The following FNBP1 variants were observed in gnomAD, a reference collection of about 807,000 sequenced individuals.
The protein encoded by FNBP1 is formin-binding protein 1.
Under a neutral mutation model 90.6 loss-of-function variants are expected in FNBP1, and 26 were observed. The observed-to-expected ratio is 0.29, with a 90% CI of 0.21 to 0.40. The LOEUF is 0.40. FNBP1 is among the 10% of genes least tolerant of loss of function. The probability of loss-of-function intolerance (pLI) is 1.00; values close to 1 mark genes in which losing one functional copy is unlikely to be tolerated. For synonymous variants in FNBP1, 260 were observed against 265.2 expected (o/e 0.98, Z 0.19); for missense variants, 635 against 768.0 (o/e 0.83, Z 2.05).
chr9:129,950,549 G>A (rs1399569759), intron 6 of FNBP1, among the ~76,000 whole-genome samples: 1 of 152,098 alleles, frequency 6.6e-6, no homozygotes, highest in African/African-American at 2.4e-5. Context: ...GAAAAACAAA[G>A]AAAAAAGTCA....
chr9:129,922,442 C>T (rs1289847809), intron 10 of FNBP1, among the ~76,000 whole-genome samples: 1 of 152,158 alleles, frequency 6.6e-6, no homozygotes, highest in African/African-American at 2.4e-5. Context: ...TCAGACTCCC[C>T]GGATCTAAAT....
chr9:130,014,471 C>A (rs1470661466), intron 1 of FNBP1, among the ~76,000 whole-genome samples: 2 of 151,908 alleles, frequency 1.3e-5, no homozygotes, highest in Admixed American at 1.3e-4. Context: ...AGGCTGGTCT[C>A]AAACTCCTGA....
intron 1 of FNBP1, among the ~76,000 whole-genome samples, chr9:129,998,267 G>T (rs1021098418): frequency 6.6e-6 from 1 of 151,494 alleles, no homozygotes; most frequent in Admixed American, 6.6e-5. Context: ...ACTTTGGGAG[G>T]CTGAGGCGGG....
intron 3 of FNBP1, 108 bp downstream of exon 3, chr9:129,979,210 A>G: frequency 1.6e-6 from 1 of 636,570 alleles, no homozygotes; most frequent in Non-Finnish European, 2.7e-6. Context: ...ACTGACACAA[A>G]ATGAATGGGA....
At chr9:130,010,764 C>CT (rs111591184) in intron 1 of FNBP1, among the ~76,000 whole-genome samples, 97,264 of 140,498 alleles carry the variant, frequency 0.69, 34,616 homozygotes, top group African/African-American at 0.77. Context: ...TTCTTTGGGT[C>CT]TTTTTTTTTT....
At chr9:129,946,682 CAT>C (rs2045342146) in intron 6 of FNBP1, among the ~76,000 whole-genome samples, 1 of 152,176 alleles carries the variant, frequency 6.6e-6, no homozygotes. Flanking sequence ...GTTTAAAAAA[CAT>C]AACTTGAACT....
chr9:130,053,454 A>C, the FNBP1 span: 1 of 169,916 alleles, frequency 5.9e-6, no homozygotes, highest in Admixed American at 5.9e-5. Flanking sequence ...CTTGTATTTG[A>C]GTGTGAAGCG....
chr9:130,001,935 G>A (rs1410179013), intron 1 of FNBP1, among the ~76,000 whole-genome samples: 1 of 151,706 alleles, frequency 6.6e-6, no homozygotes, highest in Non-Finnish European at 1.5e-5. Context: ...GGCTGAGGCA[G>A]GAGAATCATC....
Position 129,966,687 on chromosome 9 carries a change from G to A in FNBP1, c.346-8134C>T, listed in dbSNP as rs1307464943. Among the ~76,000 whole-genome samples the A allele has an allele frequency of 1.3e-5, 2 of 152,154 alleles. No homozygotes were observed. The highest frequency in any genetic ancestry group is 2.1e-4 in the South Asian group (1 of 4,818). ...ACGGAGGTTGCAGTGAGCTGAGATC[G>A]CACCACTGCATTCCAAGTCTGGGTG... On this transcript the variant is annotated intron_variant, in intron 4 of 16. Transcript: ENST00000446176. The surrounding 1 kb of genome is among the most constrained non-coding windows in gnomAD (Gnocchi z 4.3).
intron 11 of FNBP1, chr9:129,910,066 C>A: frequency 2.2e-6 from 1 of 453,754 alleles, no homozygotes; most frequent in Non-Finnish European, 4.4e-6. Context: ...TTACACTGTG[C>A]ATGAGCTTTA....
rs997656045 is a variant in FNBP1 at position 129,966,803 on chromosome 9, A to G, written c.346-8250T>C. On this transcript the variant is annotated intron_variant, in intron 4 of 16. Transcript: ENST00000446176. The surrounding 1 kb of genome is among the most constrained non-coding windows in gnomAD (Gnocchi z 4.3). ...ACATGGCCTGATCTACATTATTTCA[A>G]TGTCAAGCTGGCTGCTGCAGGGGGA... is the stretch of plus-strand genomic sequence containing the variant. Among the ~76,000 whole-genome samples, 1 of 152,184 alleles carries G rather than the reference A, an allele frequency of 6.6e-6. No homozygotes were observed. The highest frequency in any genetic ancestry group is 2.4e-5 in the African/African-American group (1 of 41,454).
chr9:129,923,294 A>T (rs2041371936), intron 10 of FNBP1, among the ~76,000 whole-genome samples: 1 of 152,044 alleles, frequency 6.6e-6, no homozygotes, highest in Non-Finnish European at 1.5e-5. Flanking sequence ...AAACGAAAAG[A>T]AAAAGGCCGG....
intron 1 of FNBP1, among the ~76,000 whole-genome samples, chr9:130,037,321 G>A (rs538710143): frequency 1.3e-5 from 2 of 151,696 alleles, no homozygotes; most frequent in Admixed American, 6.6e-5. Flanking sequence ...GCCACTGCAC[G>A]CCAGCCTGGG....
At chr9:129,963,226 T>G (rs1391147450) in intron 4 of FNBP1, among the ~76,000 whole-genome samples, 1 of 152,084 alleles carries the variant, frequency 6.6e-6, no homozygotes, top group African/African-American at 2.4e-5. Context: ...GGCAATGCTG[T>G]GGGTGGAGAC....
chr9:130,033,444 A>G (rs1235870872), intron 1 of FNBP1, among the ~76,000 whole-genome samples: 22 of 152,222 alleles, frequency 1.4e-4, no homozygotes, highest in Admixed American at 1.4e-3. Context: ...AAATAGAAGT[A>G]CAAGGGGAGG....
intron 6 of FNBP1, among the ~76,000 whole-genome samples, chr9:129,946,365 C>A (rs753886783): frequency 2.0e-5 from 3 of 152,126 alleles, no homozygotes; most frequent in Admixed American, 1.3e-4. Flanking sequence ...AAGGCAAACT[C>A]CCAAAGAAAC....
intron 6 of FNBP1, among the ~76,000 whole-genome samples, chr9:129,938,363 T>C (rs2043812186): frequency 6.6e-6 from 1 of 152,098 alleles, no homozygotes; most frequent in East Asian, 1.9e-4. Context: ...CATTTAAAAA[T>C]TCCTTTTCAG....
At chr9:129,982,005 G>C (rs1049700182) in intron 2 of FNBP1, among the ~76,000 whole-genome samples, 17 of 152,292 alleles carry the variant, frequency 1.1e-4, no homozygotes, top group African/African-American at 3.8e-4. Context: ...ACATAGCAGA[G>C]TTTAATAATT....
At chr9:129,930,262 C>A (rs1205897252) in intron 6 of FNBP1, among the ~76,000 whole-genome samples, 1 of 151,916 alleles carries the variant, frequency 6.6e-6, no homozygotes. Context: ...GAGGTCTCAC[C>A]ACATTGCCCA....
Sources: gnomAD v4.1 joint callset for allele counts (sites outside exome capture counted in the v4.1 genomes callset) on GRCh38, gnomAD v4.1.1 for gene constraint, Gnocchi (gnomAD v3.1) non-coding constraint, MANE v1.5 for transcripts, NCBI Gene and HGNC (gene_info 2026-07-23, HGNC 2026-07-21) for gene names.